Variants in TSPAN9 observed in about 807,000 individuals in gnomAD.
TSPAN9 encodes the protein tetraspanin 9, also known as tetraspanin-9.
Under a neutral mutation model 31.0 loss-of-function variants are expected in TSPAN9, and 16 were observed. That is an observed-to-expected ratio of 0.52 (90% confidence interval 0.35 to 0.78). The LOEUF (loss-of-function observed/expected upper bound fraction) is 0.78, where lower values mean the gene tolerates loss of function less well. Among genes scored for constraint, TSPAN9 ranks in the 30% least tolerant of loss-of-function variants. The probability of loss-of-function intolerance (pLI) is 0.01; values close to 1 mark genes in which losing one functional copy is unlikely to be tolerated. For missense variants in TSPAN9, 272 were observed against 312.5 expected (o/e 0.87, Z 0.98); for synonymous variants, 145 against 121.6 (o/e 1.19, Z -1.27).
chr12:3,141,000 G>C (rs1199956279), intron 2 of TSPAN9, among the ~76,000 whole-genome samples: 1 of 151,702 alleles, frequency 6.6e-6, no homozygotes, highest in African/African-American at 2.4e-5. Flanking sequence ...GGAAGTGTTG[G>C]GGTTCATAGT....
chr12:3,265,832 C>A (rs984057055), intron 3 of TSPAN9, among the ~76,000 whole-genome samples: 1 of 152,198 alleles, frequency 6.6e-6, no homozygotes, highest in African/African-American at 2.4e-5. Context: ...AGGGTCATAG[C>A]AAATTGGGTT....
At chr12:3,277,926 A>G (rs894069959) in intron 3 of TSPAN9, among the ~76,000 whole-genome samples, 1 of 152,212 alleles carries the variant, frequency 6.6e-6, no homozygotes, top group Admixed American at 6.5e-5. Flanking sequence ...GTAACAGGAC[A>G]CAGTCGCTGG....
At chr12:3,202,610 T>C (rs1000315865) in intron 3 of TSPAN9, among the ~76,000 whole-genome samples, 6 of 152,160 alleles carry the variant, frequency 3.9e-5, no homozygotes, top group African/African-American at 9.7e-5. Context: ...GTCTCCCTGC[T>C]TGTCCTCACG....
At chr12:3,220,136 ACT>A (rs781495104) in intron 3 of TSPAN9, among the ~76,000 whole-genome samples, 20 of 106,432 alleles carry the variant, frequency 1.9e-4, no homozygotes, top group Admixed American at 8.4e-4. Context: ...CAAGAGCGAA[ACT>A]CTGTCTCAAA....
intron 3 of TSPAN9, among the ~76,000 whole-genome samples, chr12:3,211,213 T>C (rs1466661680): frequency 2.0e-5 from 3 of 152,226 alleles, no homozygotes; most frequent in African/African-American, 7.2e-5. Context: ...TATTTGTATA[T>C]AAGATAGGGC....
At chr12:3,242,670 C>T (rs1212650550) in intron 3 of TSPAN9, among the ~76,000 whole-genome samples, 1 of 152,234 alleles carries the variant, frequency 6.6e-6, no homozygotes, top group East Asian at 1.9e-4. Context: ...CTCCAGCGGT[C>T]ACCGGGCGTG....
intron 2 of TSPAN9, among the ~76,000 whole-genome samples, chr12:3,167,017 G>A (rs1318678477): frequency 1.3e-5 from 2 of 151,890 alleles, no homozygotes; most frequent in Non-Finnish European, 2.9e-5. Context: ...GGCTGGTCTC[G>A]GACTCCTGAC....
intron 2 of TSPAN9, among the ~76,000 whole-genome samples, chr12:3,122,320 CA>C (rs57877186): frequency 0.19 from 27,029 of 141,432 alleles, 2,486 homozygotes; most frequent in Middle Eastern, 0.24. Context: ...GACTCTATCT[CA>C]AAAAAAAAAA....
At chr12:3,251,277 T>C (rs904289809) in intron 3 of TSPAN9, among the ~76,000 whole-genome samples, 1 of 152,120 alleles carries the variant, frequency 6.6e-6, no homozygotes, top group Non-Finnish European at 1.5e-5. Context: ...CGCAGGCTGT[T>C]CACAGGCCCC....
intron 2 of TSPAN9, among the ~76,000 whole-genome samples, chr12:3,162,413 A>G (rs1015158791): frequency 6.6e-6 from 1 of 152,210 alleles, no homozygotes; most frequent in African/African-American, 2.4e-5. Flanking sequence ...GAAGGTCAGA[A>G]CAGGAGGATG....
At chr12:3,115,582 A>G (rs1181094796) in intron 2 of TSPAN9, among the ~76,000 whole-genome samples, 1 of 152,190 alleles carries the variant, frequency 6.6e-6, no homozygotes, top group Non-Finnish European at 1.5e-5. Flanking sequence ...GGGTGCCAGC[A>G]TGGTCAGGTG....
chr12:3,203,920 T>A (rs1076398), intron 3 of TSPAN9, among the ~76,000 whole-genome samples: 1 of 151,902 alleles, frequency 6.6e-6, no homozygotes, highest in Non-Finnish European at 1.5e-5. Flanking sequence ...GTGCTTGGCC[T>A]GATACTGGGG....
At chr12:3,157,789 C>T (rs1008974237) in intron 2 of TSPAN9, among the ~76,000 whole-genome samples, 2 of 152,136 alleles carry the variant, frequency 1.3e-5, no homozygotes, top group African/African-American at 4.8e-5. Flanking sequence ...GGGCGCTGGG[C>T]AGACGCTGGC....
At position 3,118,265 on chromosome 12, in the gene TSPAN9, T is replaced by TTTTTTTTTTTTTG. The variant is rs1565582040; in HGVS notation, c.-18+34558_-18+34559insGTTTTTTTTTTTT. 2.9e-5 allele frequency among the ~76,000 whole-genome samples: 3 copies of TTTTTTTTTTTTTG among 101,748 alleles called. 1 individual carries two copies. Among genetic ancestry groups the TTTTTTTTTTTTTG allele is most frequent in the African/African-American group, 1.1e-4 (3 of 28,336 alleles). The allele number at this position is 101,748 out of a possible 152,430, so 66.8% of individuals were successfully genotyped here. A position where few individuals can be genotyped will look rare whatever the true frequency, so the allele number is the denominator to read the frequency against. On this transcript the variant is annotated intron_variant, in intron 2 of 8. Coordinates refer to ENST00000011898, the MANE Select transcript of TSPAN9 (RefSeq NM_006675.5). ...CGCCCCTGCACCCGCCGTTTTTTTTTTTTTTTTTTTTTTTTGAGATGGAGT... is the reference window on the plus strand; with the variant it reads ...CGCCCCTGCACCCGCCGTTTTTTTTTTTTTTTTTTTTTGTTTTTTTTTTTTTTTGAGATGGAGT...
At chr12:3,272,906 C>T (rs1416261070) in intron 3 of TSPAN9, 1 of 152,292 alleles carries the variant, frequency 6.6e-6, no homozygotes, top group Non-Finnish European at 1.5e-5. Context: ...ACAAGGAAGA[C>T]ACCGTGGGGA....
chr12:3,228,083 T>C (rs2098388817), intron 3 of TSPAN9, among the ~76,000 whole-genome samples: 1 of 152,196 alleles, frequency 6.6e-6, no homozygotes, highest in Non-Finnish European at 1.5e-5. Flanking sequence ...ATGTGGGGGC[T>C]CATGTCTGTA....
intron 2 of TSPAN9, among the ~76,000 whole-genome samples, chr12:3,127,818 G>T (rs2098328047): frequency 6.6e-6 from 1 of 152,074 alleles, no homozygotes; most frequent in Non-Finnish European, 1.5e-5. Context: ...AATTCATGGG[G>T]TCTTGCTATG....
At chr12:3,118,369 C>T (rs2098323561) in intron 2 of TSPAN9, among the ~76,000 whole-genome samples, 2 of 144,100 alleles carry the variant, frequency 1.4e-5, no homozygotes, top group Non-Finnish European at 3.0e-5. Flanking sequence ...TCAAGTGATT[C>T]TCCTGCCTCC....
intron 3 of TSPAN9, among the ~76,000 whole-genome samples, chr12:3,206,649 G>C (rs1455946211): frequency 6.6e-6 from 1 of 150,758 alleles, no homozygotes; most frequent in Non-Finnish European, 1.5e-5. Context: ...TGGCCTTTCT[G>C]TTTCTTCCAC....
Sources: allele counts gnomAD v4.1 joint callset (sites outside exome capture counted in the v4.1 genomes callset), GRCh38; gene constraint gnomAD v4.1.1; transcripts MANE v1.5; gene names NCBI Gene and HGNC (gene_info 2026-07-23, HGNC 2026-07-21).